Variants in ZCCHC24 observed in about 807,000 individuals in gnomAD.
ZCCHC24 encodes zinc finger CCHC domain-containing protein 24.
ZCCHC24 carries 10 observed loss-of-function variants against 26.2 expected under a neutral mutation model. That is an observed-to-expected ratio of 0.38 (90% CI 0.24 to 0.65). ZCCHC24 has a LOEUF of 0.65. Among genes scored for constraint, ZCCHC24 ranks in the 30% least tolerant of loss-of-function variants. The pLI is 0.54. For synonymous variants in ZCCHC24, 144 were observed against 147.1 expected (o/e 0.98, Z 0.15); for missense variants, 243 against 329.1 (o/e 0.74, Z 2.03).
chr10:79,428,632 C>A (rs7079750), intron 2 of ZCCHC24, among the ~76,000 whole-genome samples: 25,420 of 151,722 alleles, frequency 0.17, 3,685 homozygotes, highest in African/African-American at 0.4. Context: ...AGTAAAGATG[C>A]AAGTGGAAAT....
intron 2 of ZCCHC24, among the ~76,000 whole-genome samples, chr10:79,424,828 C>T (rs763768325): frequency 9.2e-5 from 14 of 152,330 alleles, no homozygotes; most frequent in Middle Eastern, 3.4e-3. Context: ...GTTATTTACA[C>T]GCTTGCTTGG....
chr10:79,417,218 C>T (rs1433407370), intron 2 of ZCCHC24, among the ~76,000 whole-genome samples: 1 of 137,548 alleles, frequency 7.3e-6, no homozygotes, highest in Non-Finnish European at 1.7e-5. Flanking sequence ...GGGCACAAGG[C>T]TCTGTTTGAG....
At chr10:79,406,283 C>G (rs7915975) in intron 2 of ZCCHC24, among the ~76,000 whole-genome samples, 1 of 152,192 alleles carries the variant, frequency 6.6e-6, no homozygotes. Context: ...CCTTGCTGAG[C>G]GAGATATCGG....
At chr10:79,395,204 C>T (rs1288916042) in intron 2 of ZCCHC24, among the ~76,000 whole-genome samples, 4 of 131,068 alleles carry the variant, frequency 3.1e-5, no homozygotes, top group Non-Finnish European at 6.9e-5. Context: ...TACAGCTGTG[C>T]CTGGCTACTG....
chr10:79,440,647 G>T (rs908802993), intron 1 of ZCCHC24, among the ~76,000 whole-genome samples: 12 of 152,146 alleles, frequency 7.9e-5, no homozygotes, highest in African/African-American at 2.9e-4. Flanking sequence ...GACTTGCCAG[G>T]CCTCTGTGTC....
chr10:79,392,237 G>A (rs1021707193), intron 3 of ZCCHC24, among the ~76,000 whole-genome samples: 2 of 152,166 alleles, frequency 1.3e-5, no homozygotes, highest in Non-Finnish European at 2.9e-5. Context: ...AGCTGTGCTG[G>A]AGCAAGTCAC....
Position 79,386,108 on chromosome 10 carries a change from C to T in ZCCHC24, c.*237G>A. 3.4e-6 allele frequency: 2 copies of T among 593,862 alleles called. No homozygotes were observed. Among genetic ancestry groups the T allele is most frequent in the Non-Finnish European group, 3.1e-6 (1 of 324,200 alleles). The allele number at this position is 593,862 out of a possible 1,614,324, so 36.8% of individuals were successfully genotyped here. ...TTGTCCCCTCCACTGAGACCCCAGG[C>T]CCGCCTGCAAAAAGCCCCAGACTCC... On this transcript the variant is annotated 3_prime_UTR_variant, in exon 4 of 4. Coordinates refer to ENST00000372336, the MANE Select transcript of ZCCHC24 (RefSeq NM_153367.4).
At chr10:79,406,665 A>G (rs1856718329) in intron 2 of ZCCHC24, among the ~76,000 whole-genome samples, 1 of 152,118 alleles carries the variant, frequency 6.6e-6, no homozygotes, top group Non-Finnish European at 1.5e-5. Flanking sequence ...CAGCCATTTC[A>G]TCCTCCCTGT....
At chr10:79,416,163 T>C (rs1198836197) in intron 2 of ZCCHC24, among the ~76,000 whole-genome samples, 1 of 152,114 alleles carries the variant, frequency 6.6e-6, no homozygotes, top group African/African-American at 2.4e-5. Flanking sequence ...TTGGCTTTCG[T>C]CATTTCCAGC....
intron 2 of ZCCHC24, among the ~76,000 whole-genome samples, chr10:79,421,657 G>A (rs545446099): frequency 5.3e-5 from 8 of 151,718 alleles, no homozygotes; most frequent in South Asian, 2.1e-4. Context: ...ATGGAGTTTC[G>A]CTCTTGTTGC....
intron 2 of ZCCHC24, among the ~76,000 whole-genome samples, chr10:79,431,436 C>T (rs1184783989): frequency 6.6e-6 from 1 of 152,132 alleles, no homozygotes; most frequent in Non-Finnish European, 1.5e-5. Flanking sequence ...ACTATGTATG[C>T]AGAGTCTGGG....
At chr10:79,409,467 C>T (rs1302261864) in intron 2 of ZCCHC24, among the ~76,000 whole-genome samples, 1 of 152,206 alleles carries the variant, frequency 6.6e-6, no homozygotes, top group Non-Finnish European at 1.5e-5. Flanking sequence ...CCTGCCCTCT[C>T]CTCAGGGACA....
chr10:79,386,108 C>A lies in ZCCHC24; in HGVS notation c.*237G>T, dbSNP rs1026954852. 3.4e-6 allele frequency: 2 copies of A among 593,862 alleles called. No individual in the cohort carries two copies. Among genetic ancestry groups the A allele is most frequent in the Non-Finnish European group, 6.2e-6 (2 of 324,200 alleles). 36.8% of individuals were successfully genotyped at this position (593,862 alleles called of 1,614,324 possible). A position where few individuals can be genotyped will look rare whatever the true frequency, so the allele number is the denominator to read the frequency against. Reference sequence around the variant, plus strand: ...TTGTCCCCTCCACTGAGACCCCAGGCCCGCCTGCAAAAAGCCCCAGACTCC... The same window carrying A: ...TTGTCCCCTCCACTGAGACCCCAGGACCGCCTGCAAAAAGCCCCAGACTCC... On this transcript the variant is annotated 3_prime_UTR_variant, in exon 4 of 4. Transcript: ENST00000372336.
chr10:79,433,685 G>A (rs1302856319), intron 1 of ZCCHC24, among the ~76,000 whole-genome samples: 1 of 152,160 alleles, frequency 6.6e-6, no homozygotes, highest in African/African-American at 2.4e-5. Context: ...CCCCAGCACA[G>A]GTGCCCAAGA....
Position 79,394,595 on chromosome 10 carries a change from A to C in ZCCHC24, c.448-155T>G. On this transcript the variant is annotated intron_variant, in intron 2 of 3. Transcript: ENST00000372336. ...TCTAGATAATACCAGGGTCATCCCC[A>C]GAGCACAGACGGGAATCCGAAGGCT... The C allele has an allele frequency of 3.0e-6, 3 of 985,484 alleles. No individual in the cohort carries two copies. The South Asian group carries it at 1.4e-4, about 46-fold the overall frequency. 61.0% of individuals were successfully genotyped at this position (985,484 alleles called of 1,614,324 possible).
At chr10:79,408,988 G>T (rs1856756341) in intron 2 of ZCCHC24, 1 of 152,246 alleles carries the variant, frequency 6.6e-6, no homozygotes, top group African/African-American at 2.4e-5. Context: ...CTACTGTGGT[G>T]TGAAGGATTC....
intron 1 of ZCCHC24, among the ~76,000 whole-genome samples, chr10:79,440,669 A>C (rs1252633691): frequency 6.6e-6 from 1 of 152,170 alleles, no homozygotes; most frequent in Non-Finnish European, 1.5e-5. Flanking sequence ...TCTTCTGCAA[A>C]AAATGGAAGC....
intron 1 of ZCCHC24, among the ~76,000 whole-genome samples, chr10:79,442,533 G>A (rs1857303508): frequency 6.6e-6 from 1 of 152,222 alleles, no homozygotes. Flanking sequence ...TGGTGCAGGA[G>A]GGGGTGGGCT....
At chr10:79,430,713 C>CACACACACACACACACACA (rs1589677036) in intron 2 of ZCCHC24, among the ~76,000 whole-genome samples, 3 of 135,736 alleles carry the variant, frequency 2.2e-5, no homozygotes, top group East Asian at 2.0e-4. Flanking sequence ...CACACACACA[C>CACACACACACACACACACA]CCTCTGCTAT....
Sources: allele counts gnomAD v4.1 joint callset (sites outside exome capture counted in the v4.1 genomes callset), GRCh38; gene constraint gnomAD v4.1.1; transcripts MANE v1.5; gene names NCBI Gene and HGNC (gene_info 2026-07-23, HGNC 2026-07-21).